The following DISC1 variants were observed in gnomAD, a reference collection of about 807,000 sequenced individuals.
DISC1 encodes DISC1 scaffold protein.
DISC1 carries 57 observed loss-of-function variants against 84.5 expected under a neutral mutation model. That is an observed-to-expected ratio of 0.67 (90% confidence interval 0.55 to 0.84). DISC1 has a LOEUF of 0.84. DISC1 is among the 40% of genes least tolerant of loss of function. DISC1 has a pLI of 0.00. For synonymous variants in DISC1, 411 were observed against 415.2 expected, an observed-to-expected ratio of 0.99 and a Z score of 0.12; for missense variants, 1,000 against 1,057.8, an observed-to-expected ratio of 0.95 and a Z score of 0.76.
In DISC1 at chr1:232,038,719, A is replaced by T. The variant is rs1044953604; in HGVS notation, c.*1888A>T. On this transcript the variant is annotated 3_prime_UTR_variant, in exon 13 of 13. Transcript: ENST00000439617. ...ACACTTTTGCAGAGTGTTGAGCTTA[A>T]TAACTACCTGCCACAGATTGGTAAA... The T allele has an allele frequency of 1.3e-5, 2 of 152,200 alleles. No individual in the cohort carries two copies. Among genetic ancestry groups the T allele is most frequent in the Non-Finnish European group, 2.9e-5 (2 of 68,050 alleles). 9.4% of individuals were successfully genotyped at this position (152,200 alleles called of 1,614,324 possible). A position where few individuals can be genotyped will look rare whatever the true frequency, so the allele number is the denominator to read the frequency against.
chr1:231,818,676 C>A, intron 9 of DISC1, 159 bp downstream of exon 9: 1 of 1,445,072 alleles, frequency 6.9e-7, no homozygotes. Context: ...GGTGCCTTGG[C>A]AAACCGAATG....
intron 9 of DISC1, among the ~76,000 whole-genome samples, chr1:231,919,391 TTCC>T (rs2089857844): frequency 6.6e-6 from 1 of 152,218 alleles, no homozygotes; most frequent in African/African-American, 2.4e-5. Context: ...GGATTTCTTT[TTCC>T]TCCAATGCTT....
At chr1:231,932,815 A>G (rs918509630) in intron 9 of DISC1, among the ~76,000 whole-genome samples, 1 of 152,116 alleles carries the variant, frequency 6.6e-6, no homozygotes, top group Admixed American at 6.5e-5. Context: ...TGCATTGACT[A>G]TTTCTCTAGA....
chr1:231,705,941 CTCTT>C (rs1336681279), intron 3 of DISC1, among the ~76,000 whole-genome samples: 1 of 152,042 alleles, frequency 6.6e-6, no homozygotes, highest in African/African-American at 2.4e-5. Context: ...TTTTCTTTTG[CTCTT>C]TCTTTCTTTC....
chr1:231,771,178 TA>T (rs2076526912), intron 6 of DISC1, 108 bp downstream of exon 6: 4 of 1,460,738 alleles, frequency 2.7e-6, no homozygotes, highest in Non-Finnish European at 2.7e-6. Context: ...AAGCAGTCTG[TA>T]TTTTTCAGTG....
intron 1 of DISC1, among the ~76,000 whole-genome samples, chr1:231,646,009 C>T (rs1271803406): frequency 2.0e-5 from 3 of 151,362 alleles, no homozygotes; most frequent in Admixed American, 6.6e-5. Flanking sequence ...CTAGACCTAA[C>T]ACACATCTAC....
chr1:231,798,970 GAAATT>G (rs1259306553), intron 7 of DISC1, among the ~76,000 whole-genome samples: 49 of 152,088 alleles, frequency 3.2e-4, no homozygotes, highest in Non-Finnish European at 5.9e-5. Flanking sequence ...ATTCTTCTGG[GAAATT>G]AAATTTTTCT....
At chr1:231,905,642 A>T (rs1176247897) in intron 9 of DISC1, among the ~76,000 whole-genome samples, 2 of 151,982 alleles carry the variant, frequency 1.3e-5, no homozygotes, top group African/African-American at 4.8e-5. Context: ...ATAATAAAGG[A>T]ATGACTAAAG....
chr1:231,854,086 C>T (rs1401138225), intron 9 of DISC1, among the ~76,000 whole-genome samples: 1 of 152,176 alleles, frequency 6.6e-6, no homozygotes, highest in Non-Finnish European at 1.5e-5. Flanking sequence ...CACGATGACC[C>T]TGGGGCTGAT....
At chr1:231,867,806 T>C (rs1179871857) in intron 9 of DISC1, among the ~76,000 whole-genome samples, 1 of 152,228 alleles carries the variant, frequency 6.6e-6, no homozygotes, top group African/African-American at 2.4e-5. Flanking sequence ...TAGGAAACAG[T>C]TGGAGCACTA....
intron 4 of DISC1, among the ~76,000 whole-genome samples, chr1:231,758,164 C>A (rs1262622124): frequency 2.0e-5 from 3 of 152,010 alleles, no homozygotes; most frequent in South Asian, 2.1e-4. Context: ...CACAGTGAAC[C>A]TTTTATTGAA....
intron 9 of DISC1, among the ~76,000 whole-genome samples, chr1:231,912,096 G>A (rs1010579664): frequency 6.6e-6 from 1 of 152,086 alleles, no homozygotes; most frequent in Non-Finnish European, 1.5e-5. Flanking sequence ...AAGGTTTTTA[G>A]CTTCTTTGCA....
At chr1:231,692,275 C>T (rs1288042649) in intron 1 of DISC1, among the ~76,000 whole-genome samples, 1 of 152,208 alleles carries the variant, frequency 6.6e-6, no homozygotes, top group Non-Finnish European at 1.5e-5. Flanking sequence ...GCTTCCATTC[C>T]TCCCTTCCTT....
chr1:231,816,957 C>T (rs977544097), intron 8 of DISC1, among the ~76,000 whole-genome samples: 7 of 151,944 alleles, frequency 4.6e-5, no homozygotes, highest in Middle Eastern at 3.2e-3. Context: ...TCCTCCTCCT[C>T]CTTCTTCTTC....
chr1:231,848,757 A>G (rs1248789867), intron 9 of DISC1, among the ~76,000 whole-genome samples: 1 of 152,170 alleles, frequency 6.6e-6, no homozygotes, highest in Admixed American at 6.5e-5. Context: ...TGAATTGGAG[A>G]TGGGTGTTAA....
intron 9 of DISC1, among the ~76,000 whole-genome samples, chr1:231,839,313 A>ATAC (rs1220532424): frequency 1.3e-5 from 2 of 152,184 alleles, no homozygotes; most frequent in African/African-American, 2.4e-5. Context: ...TAAAGTAGAA[A>ATAC]TACTACTACT....
chr1:231,788,147 G>A (rs1401449153), intron 6 of DISC1, among the ~76,000 whole-genome samples: 2 of 152,174 alleles, frequency 1.3e-5, no homozygotes, highest in South Asian at 2.1e-4. Context: ...TTAGCTGGGT[G>A]TGCTGGCGCA....
At chr1:231,854,718 CT>C (rs11331915) in intron 9 of DISC1, 99,505 of 123,932 alleles carry the variant, frequency 0.8, 40,145 homozygotes, top group East Asian at 0.92. Flanking sequence ...TAAAATAATT[CT>C]TTTTTTTTTT....
intron 9 of DISC1, among the ~76,000 whole-genome samples, chr1:231,925,446 A>G (rs1411928458): frequency 1.3e-5 from 2 of 152,192 alleles, no homozygotes; most frequent in African/African-American, 4.8e-5. Context: ...GGCTGCTACC[A>G]GGGATATTAC....
Sources: gnomAD v4.1 joint callset for allele counts (sites outside exome capture counted in the v4.1 genomes callset) on GRCh38, gnomAD v4.1.1 for gene constraint, MANE v1.5 for transcripts, NCBI Gene and HGNC (gene_info 2026-07-23, HGNC 2026-07-21) for gene names.